Variants in SLC41A3 observed in about 807,000 individuals in gnomAD.
The protein encoded by SLC41A3 is SLC41A1-like 2.
In SLC41A3, 44 loss-of-function variants were observed where a neutral mutation model predicts 45.4. The observed-to-expected ratio is 0.97, with a 90% CI of 0.76 to 1.25. The LOEUF (loss-of-function observed/expected upper bound fraction) is 1.25. Among genes scored for constraint, SLC41A3 ranks in the 50% most tolerant of loss-of-function variants. The pLI is 0.00. For missense variants in SLC41A3, 550 were observed against 600.6 expected (o/e 0.92, Z 0.88); for synonymous variants, 256 against 252.4 (o/e 1.01, Z -0.13).
chr3:126,085,896 G>A (rs922687990), upstream of SLC41A3, among the ~76,000 whole-genome samples: 6 of 152,050 alleles, frequency 3.9e-5, no homozygotes, highest in Admixed American at 1.3e-4. Context: ...TTTTAAAAAT[G>A]GCTTGTCCAG....
intron 1 of SLC41A3, among the ~76,000 whole-genome samples, chr3:126,093,938 G>A (rs1342701793): frequency 6.6e-6 from 1 of 152,216 alleles, no homozygotes; most frequent in East Asian, 1.9e-4. Context: ...CTGGCCGTCT[G>A]CGTGGCCAAT....
Position 126,026,108 on chromosome 3 carries a change from C to T in SLC41A3, c.598+227G>A, listed in dbSNP as rs747050878. Among the ~76,000 whole-genome samples the T allele has an allele frequency of 6.6e-6, 1 of 152,126 alleles. No homozygotes were observed. Among genetic ancestry groups the T allele is most frequent in the East Asian group, 1.9e-4 (1 of 5,190 alleles). ...GTCTTTACACAGCAGAGAGCAGAGG[C>T]GAGTGGTGGCAGGAGCGGCACACAC... is the stretch of plus-strand genomic sequence containing the variant. On this transcript the variant is annotated intron_variant, in intron 5 of 10. Coordinates refer to ENST00000360370, the MANE Select transcript of SLC41A3 (RefSeq NM_017836.4). The surrounding 1 kb of genome is among the most constrained non-coding windows in gnomAD (Gnocchi z 4.2).
chr3:126,070,089 T>G (rs1364314268), intron 1 of SLC41A3: 1 of 152,060 alleles, frequency 6.6e-6, no homozygotes, highest in Non-Finnish European at 1.5e-5. Context: ...AAAACATTAA[T>G]TTCCACATCC....
At chr3:126,063,721 T>G (rs185357202) in intron 2 of SLC41A3, among the ~76,000 whole-genome samples, 3 of 152,266 alleles carry the variant, frequency 2.0e-5, no homozygotes, top group Admixed American at 2.0e-4. Flanking sequence ...TCTCTAAAGT[T>G]CAGACATGGC....
At chr3:126,055,928 G>T (rs1943629661) in intron 2 of SLC41A3, among the ~76,000 whole-genome samples, 1 of 152,140 alleles carries the variant, frequency 6.6e-6, no homozygotes, top group Admixed American at 6.5e-5. Flanking sequence ...ACAGCATACA[G>T]ACTCAGTCAT....
chr3:126,090,921 T>C (rs185791746), intron 1 of SLC41A3, among the ~76,000 whole-genome samples: 1 of 152,270 alleles, frequency 6.6e-6, no homozygotes, highest in East Asian at 1.9e-4. Flanking sequence ...CTGCTTGTCA[T>C]GGAGTGAGGG....
chr3:126,041,660 A>G (rs1021407447), intron 3 of SLC41A3, among the ~76,000 whole-genome samples: 4 of 152,264 alleles, frequency 2.6e-5, no homozygotes, highest in Admixed American at 1.3e-4. Context: ...CCAAATGTCC[A>G]AAGTTTACTT....
intron 3 of SLC41A3, among the ~76,000 whole-genome samples, chr3:126,042,977 T>C (rs1305193436): frequency 1.3e-5 from 2 of 151,484 alleles, no homozygotes; most frequent in African/African-American, 2.4e-5. Flanking sequence ...AGAGAGCTTA[T>C]TTGAAGAAAT....
chr3:126,095,304 G>A (rs1457255550), intron 1 of SLC41A3: 1 of 660,444 alleles, frequency 1.5e-6, no homozygotes, highest in Admixed American at 2.2e-5. Context: ...CAGCCGTGTT[G>A]AGGCTGATGC....
intron 3 of SLC41A3, among the ~76,000 whole-genome samples, chr3:126,039,161 A>G (rs890594612): frequency 6.6e-6 from 1 of 152,210 alleles, no homozygotes; most frequent in African/African-American, 2.4e-5. Flanking sequence ...TTCTTTATAA[A>G]TTACCCAGTC....
In SLC41A3 at chr3:126,051,753, C is replaced by T. The variant is rs1943351753; in HGVS notation, c.274-703G>A. Among the ~76,000 whole-genome samples, 3 of 152,288 alleles carry T rather than the reference C, an allele frequency of 2.0e-5. No homozygotes were observed. The South Asian group carries it at 6.2e-4, about 32-fold the overall frequency. Reference sequence around the variant, plus strand: ...AGTTTTAATGCCCCACCTGATCCTACTGATTTATTTTGCCTGTCTGGCTGC... The same window carrying T: ...AGTTTTAATGCCCCACCTGATCCTATTGATTTATTTTGCCTGTCTGGCTGC... On this transcript the variant is annotated intron_variant, in intron 2 of 10. Coordinates refer to ENST00000360370, the MANE Select transcript of SLC41A3 (RefSeq NM_017836.4).
intron 1 of SLC41A3, among the ~76,000 whole-genome samples, chr3:126,077,128 A>G (rs1944916496): frequency 6.6e-6 from 1 of 152,214 alleles, no homozygotes; most frequent in Non-Finnish European, 1.5e-5. Flanking sequence ...CTGTAATACC[A>G]GCACTTTGGG....
chr3:126,073,386 G>A (rs999402426), intron 1 of SLC41A3: 6 of 152,206 alleles, frequency 3.9e-5, no homozygotes, highest in African/African-American at 1.4e-4. Flanking sequence ...AGTGAGCCGA[G>A]ATTGCACCAC....
chr3:126,008,875 T>TGA lies in SLC41A3; in HGVS notation c.1109_1110dup (p.Asn371SerfsTer18). ...AGCAGGACTCGAGCTGACATGGAAT[T>TGA]GATTTCTGAAAGAAACAGAACCAAG... On this transcript the variant is annotated frameshift_variant, in exon 10 of 11. Transcript: ENST00000360370. LOFTEE classifies it high-confidence loss of function. 1 of 1,613,936 alleles carries TGA rather than the reference T, an allele frequency of 6.2e-7. No individual in the cohort carries two copies. Among genetic ancestry groups the TGA allele is most frequent in the Non-Finnish European group, 8.5e-7 (1 of 1,179,834 alleles).
In SLC41A3 at chr3:126,029,373, C is replaced by CG. The variant is rs984216437; in HGVS notation, c.454-2895_454-2894insC. Among the ~76,000 whole-genome samples the CG allele has an allele frequency of 1.1e-4, 17 of 151,852 alleles. No individual in the cohort carries two copies. The East Asian group carries it at 2.3e-3, about 21-fold the overall frequency. On this transcript the variant is annotated intron_variant, in intron 4 of 10. Coordinates refer to ENST00000360370, the MANE Select transcript of SLC41A3 (RefSeq NM_017836.4). ...TTTAGAAGTATGTGGCACTCCCTCC[C>CG]CCACCACTCTCTTGCTCATTCTCTG...
chr3:126,006,636 C>T lies in SLC41A3; in HGVS notation c.*380G>A. On this transcript the variant is annotated 3_prime_UTR_variant, in exon 11 of 11. Transcript: ENST00000360370. ...GGGAACAGAAAAGAGCTCCTTCCTG[C>T]TCCACCCCAATCTGGGTTGCATGGG... The T allele has an allele frequency of 1.3e-6, 2 of 1,534,904 alleles. No individual in the cohort carries two copies. The highest frequency in any genetic ancestry group is 1.7e-6 in the Non-Finnish European group (2 of 1,147,552).
intron 10 of SLC41A3, 26 bp downstream of exon 10, chr3:126,008,706 C>T (rs1459929531): frequency 9.9e-6 from 16 of 1,612,234 alleles, no homozygotes; most frequent in Non-Finnish European, 1.4e-5. Context: ...CAGCTGCGCA[C>T]CTCTAATTGC....
At chr3:126,047,656 CA>C (rs917561299) in intron 3 of SLC41A3, among the ~76,000 whole-genome samples, 1 of 151,868 alleles carries the variant, frequency 6.6e-6, no homozygotes, top group African/African-American at 2.4e-5. Flanking sequence ...GGAGAGTCTT[CA>C]AAAAAATGGA....
intron 1 of SLC41A3, chr3:126,073,122 G>A (rs182463985): frequency 2.0e-5 from 3 of 152,358 alleles, no homozygotes; most frequent in Admixed American, 2.0e-4. Context: ...AGAACAGAGG[G>A]TGAGAGGAGA....
Sources: allele counts gnomAD v4.1 joint callset (sites outside exome capture counted in the v4.1 genomes callset), GRCh38; gene constraint gnomAD v4.1.1; non-coding constraint Gnocchi (gnomAD v3.1); transcripts MANE v1.5; gene names NCBI Gene and HGNC (gene_info 2026-07-23, HGNC 2026-07-21).